Variants in TOGARAM2 observed in about 807,000 individuals in gnomAD.
TOGARAM2 encodes TOG array regulator of axonemal microtubules protein 2.
Under a neutral mutation model 93.3 loss-of-function variants are expected in TOGARAM2, and 85 were observed. The observed-to-expected ratio is 0.91, with a 90% CI of 0.76 to 1.09. The LOEUF is 1.09. Ranked by LOEUF, TOGARAM2 falls within the 50% of genes least tolerant of loss-of-function variation. TOGARAM2 has a pLI of 0.00. For missense variants in TOGARAM2, 1,277 were observed against 1,334.5 expected, an observed-to-expected ratio of 0.96 and a Z score of 0.67; for synonymous variants, 593 against 552.8, an observed-to-expected ratio of 1.07 and a Z score of -1.02.
intron 6 of TOGARAM2, among the ~76,000 whole-genome samples, chr2:29,011,044 G>T (rs1664210821): frequency 6.6e-6 from 1 of 152,172 alleles, no homozygotes; most frequent in Admixed American, 6.5e-5. Context: ...CGGGGTTGGG[G>T]CAGCTTGGAG....
intron 6 of TOGARAM2, 65 bp downstream of exon 6, chr2:29,003,747 G>C: frequency 7.4e-7 from 1 of 1,357,728 alleles, no homozygotes; most frequent in Non-Finnish European, 9.7e-7. Flanking sequence ...AGATCCACTG[G>C]GGCTCCTTGT....
At chr2:29,007,443 C>T (rs1395447539) in intron 6 of TOGARAM2, among the ~76,000 whole-genome samples, 1 of 152,156 alleles carries the variant, frequency 6.6e-6, no homozygotes, top group Admixed American at 6.5e-5. Context: ...CCTCCTGCTC[C>T]AACACATTTC....
At chr2:29,031,315 G>A (rs765077488) in intron 14 of TOGARAM2, among the ~76,000 whole-genome samples, 1 of 152,198 alleles carries the variant, frequency 6.6e-6, no homozygotes, top group Non-Finnish European at 1.5e-5. Context: ...GACAATAGGT[G>A]TGCACCACTG....
Position 29,036,655 on chromosome 2 carries a change from C to T in TOGARAM2, c.2533C>T (p.Leu845=). Residue 845 remains leucine (L), a synonymous_variant, in exon 18 of 20, where the codon CTG becomes TTG. Coordinates refer to ENST00000379558, the MANE Select transcript of TOGARAM2 (RefSeq NM_199280.4). ...PLLRESLHPM[L]LSIIITVADN... ...CCTCAGAGAGAGCTTACACCCCATG[C>T]TGCTCTCCATCATCATCACTGTTGC... The T allele has an allele frequency of 6.2e-7, 1 of 1,614,014 alleles. No individual in the cohort carries two copies. The highest frequency in any genetic ancestry group is 8.5e-7 in the Non-Finnish European group (1 of 1,179,886).
Position 29,002,652 on chromosome 2 carries a change from C to T in TOGARAM2, c.544C>T (p.Pro182Ser), listed in dbSNP as rs1204890970. ...GCCGATGCCTCTCATCCAGAGCATC[C>T]CTACCACCCCTGAGGCCAGCGGAGT... ...PRPMPLIQSI[P>S]TTPEASGVKE... is the part of the protein sequence containing the mutation. Residue 182 changes from proline (P) to serine (S), a missense_variant, in exon 5 of 20, where the codon CCT becomes TCT. By Grantham distance (74) the Pro-to-Ser change is moderately conservative. Coordinates refer to ENST00000379558, the MANE Select transcript of TOGARAM2 (RefSeq NM_199280.4). 1 of 1,614,004 alleles carries T rather than the reference C, an allele frequency of 6.2e-7. No individual in the cohort carries two copies. The highest frequency in any genetic ancestry group is 2.2e-5 in the East Asian group (1 of 44,884).
At position 29,051,766 on chromosome 2, in the gene TOGARAM2, C is replaced by T; in HGVS notation, c.2733C>T (p.Ala911=). The T allele has an allele frequency of 6.6e-7, 1 of 1,508,726 alleles. No homozygotes were observed. The highest frequency in any genetic ancestry group is 1.3e-5 in the South Asian group (1 of 77,408). The allele number at this position is 1,508,726 out of a possible 1,614,324, so 93.5% of individuals were successfully genotyped here. A position where few individuals can be genotyped will look rare whatever the true frequency, so the allele number is the denominator to read the frequency against. Residue 911 remains alanine (A), a synonymous_variant, in exon 20 of 20, where the codon GCC becomes GCT. Coordinates refer to ENST00000379558, the MANE Select transcript of TOGARAM2 (RefSeq NM_199280.4). The part of the protein sequence containing the change: ...DVTDRLAVLV[A]SVYPRKPQAV... ...TTTTCTGCCTGACAGTGCTGGTGGCCTCAGTTTACCCCCGGAAGCCTCAAG... is the reference window on the plus strand; with the variant it reads ...TTTTCTGCCTGACAGTGCTGGTGGCTTCAGTTTACCCCCGGAAGCCTCAAG...
intron 18 of TOGARAM2, among the ~76,000 whole-genome samples, chr2:29,038,838 C>T (rs1250252952): frequency 6.6e-6 from 1 of 152,150 alleles, no homozygotes; most frequent in Non-Finnish European, 1.5e-5. Flanking sequence ...CCCTCTTAGC[C>T]CAGCCAGCAA....
intron 6 of TOGARAM2, among the ~76,000 whole-genome samples, chr2:29,011,217 A>T (rs538321446): frequency 6.6e-6 from 1 of 152,340 alleles, no homozygotes; most frequent in Non-Finnish European, 1.5e-5. Context: ...CGCGAGCTGC[A>T]CTGCCAGGAA....
At chr2:28,974,436 T>A (rs1471230602) in intron 1 of TOGARAM2, among the ~76,000 whole-genome samples, 1 of 152,074 alleles carries the variant, frequency 6.6e-6, no homozygotes, top group Non-Finnish European at 1.5e-5. Flanking sequence ...TATGTGGGGG[T>A]GCTTGGCTTC....
At chr2:29,024,637 G>A (rs1235569601) in intron 13 of TOGARAM2, among the ~76,000 whole-genome samples, 2 of 152,134 alleles carry the variant, frequency 1.3e-5, no homozygotes, top group African/African-American at 2.4e-5. Context: ...TCCCTGTGCC[G>A]GGCATCCGGC....
intron 14 of TOGARAM2, among the ~76,000 whole-genome samples, chr2:29,032,063 A>C (rs1395290683): frequency 6.6e-6 from 1 of 152,112 alleles, no homozygotes; most frequent in Non-Finnish European, 1.5e-5. Flanking sequence ...GTGGCCTCCT[A>C]ATAAGTCTCC....
chr2:29,002,538 T>C lies in TOGARAM2; in HGVS notation c.430T>C (p.Ser144Pro), dbSNP rs1314760138. 6.2e-7 allele frequency: 1 copy of C among 1,612,842 alleles called. No individual in the cohort carries two copies. Among genetic ancestry groups the C allele is most frequent in the Non-Finnish European group, 8.5e-7 (1 of 1,179,572 alleles). ...TTCCCATCCCCATCCCTGTACAGCC[T>C]CTCTGGATCCAGGGGGAGGCCCCCA... ...SEGLAASSRA[S>P]LDPGGGPQGV... The change falls in exon 5 of 20, where the codon TCT becomes CCT. Residue 144 changes from serine (S) to proline (P), a missense_variant and splice_region_variant. Coordinates refer to ENST00000379558, the MANE Select transcript of TOGARAM2 (RefSeq NM_199280.4).
intron 7 of TOGARAM2, 81 bp downstream of exon 7, chr2:29,011,582 C>A: frequency 7.4e-7 from 1 of 1,354,832 alleles, no homozygotes; most frequent in Non-Finnish European, 1.0e-6. Flanking sequence ...AGAATTAGGG[C>A]CAGAGGAGAT....
At chr2:29,029,164 C>T (rs1371561117) in intron 14 of TOGARAM2, among the ~76,000 whole-genome samples, 2 of 152,140 alleles carry the variant, frequency 1.3e-5, no homozygotes, top group Non-Finnish European at 2.9e-5. Context: ...TTTATAGCAG[C>T]ACAATTCTCA....
chr2:29,034,461 G>A (rs1176992457), intron 16 of TOGARAM2, among the ~76,000 whole-genome samples: 1 of 152,188 alleles, frequency 6.6e-6, no homozygotes. Context: ...GCTCCTAACG[G>A]CAAAGGCTGT....
intron 1 of TOGARAM2, among the ~76,000 whole-genome samples, chr2:28,989,819 C>T (rs1462774223): frequency 6.6e-6 from 1 of 152,268 alleles, no homozygotes; most frequent in South Asian, 2.1e-4. Context: ...AGTATTTCCA[C>T]TTTGCAGTTA....
In TOGARAM2 at chr2:28,999,268, A is replaced by G. The variant is rs540307873; in HGVS notation, c.227A>G (p.Lys76Arg). The stretch of plus-strand genomic sequence containing the variant: ...GGACTCGGACAGCTGGGTGGCCTCA[A>G]GCTGGACACCCCTTCCAAGGGCTGG... ...LRGLGQLGGL[K>R]LDTPSKGWQA... Residue 76 changes from lysine to arginine, a missense_variant, in exon 4 of 20, where the codon AAG becomes AGG. Physicochemically the swap from Lys to Arg is conservative, Grantham distance 26 (BLOSUM62 2). Transcript: ENST00000379558. 20 of 1,613,868 alleles carry G rather than the reference A, an allele frequency of 1.2e-5. No homozygotes were observed. The South Asian group carries it at 2.2e-4, about 18-fold the overall frequency.
At chr2:28,977,392 A>C (rs1013184164), upstream of TOGARAM2, among the ~76,000 whole-genome samples, 7 of 152,046 alleles carry the variant, frequency 4.6e-5, no homozygotes, top group African/African-American at 1.7e-4. Flanking sequence ...GCTCCCTGGG[A>C]TCTGACCTCC....
At chr2:29,041,254 C>A (rs530421971) in intron 18 of TOGARAM2, among the ~76,000 whole-genome samples, 34 of 152,280 alleles carry the variant, frequency 2.2e-4, no homozygotes, top group African/African-American at 7.9e-4. Flanking sequence ...AAACTCCTGA[C>A]CTCAGGTGAT....
Sources: gnomAD v4.1 joint callset for allele counts (sites outside exome capture counted in the v4.1 genomes callset) on GRCh38, gnomAD v4.1.1 for gene constraint, MANE v1.5 for transcripts, NCBI Gene and HGNC (gene_info 2026-07-23, HGNC 2026-07-21) for gene names.